CYP2C19: variants seen among roughly 807,000 people sequenced by gnomAD.
CYP2C19 encodes cytochrome P450 2C19.
In CYP2C19, 59 loss-of-function variants were observed where a neutral mutation model predicts 40.9. That is an observed-to-expected ratio of 1.44 (90% CI 1.17 to 1.79). CYP2C19 has a LOEUF of 1.79. Among genes scored for constraint, CYP2C19 ranks in the 40% most tolerant of loss-of-function variants. The probability of loss-of-function intolerance (pLI) is 0.00; values close to 1 mark genes in which losing one functional copy is unlikely to be tolerated. For synonymous variants in CYP2C19, 253 were observed against 208.7 expected (o/e 1.21, Z -1.83); for missense variants, 754 against 596.9 (o/e 1.26, Z -2.74).
rs540326589 is a variant in CYP2C19 at position 94,827,756 on chromosome 10, A to T, written c.961+7119A>T. Among the ~76,000 whole-genome samples the T allele has an allele frequency of 3.0e-3, 463 of 152,126 alleles. 3 individuals are homozygous for T. Among genetic ancestry groups the T allele is most frequent in the African/African-American group, 0.011 (440 of 41,490 alleles). On this transcript the variant is annotated intron_variant, in intron 6 of 8. Transcript: ENST00000371321. ...TTCTAGTTCTTTTAATTGTGATGTTAGGGTGTCTATTTTGGATCTTTCCTG... is the reference window on the plus strand; with the variant it reads ...TTCTAGTTCTTTTAATTGTGATGTTTGGGTGTCTATTTTGGATCTTTCCTG...
At chr10:94,780,411 T>A in intron 3 of CYP2C19, 88 bp from the exon 4 acceptor site, 1 of 1,519,596 alleles carries the variant, frequency 6.6e-7, no homozygotes, top group South Asian at 1.3e-5. Flanking sequence ...TTACTTAAAA[T>A]TTCTAAACTA....
At position 94,855,128 on chromosome 10, in the gene CYP2C19, C is replaced by T. The variant is rs1849712557; in HGVS notation, c.*2214C>T. On this transcript the variant is annotated 3_prime_UTR_variant, in exon 9 of 9. Coordinates refer to ENST00000371321, the MANE Select transcript of CYP2C19 (RefSeq NM_000769.4). ...CTTTTTCTTTCACTCCAAACACTTGCTTCTTTTGTTACATCTCCTACTCCT... is the reference window on the plus strand; with the variant it reads ...CTTTTTCTTTCACTCCAAACACTTGTTTCTTTTGTTACATCTCCTACTCCT... Among the ~76,000 whole-genome samples the T allele has an allele frequency of 2.0e-5, 3 of 152,190 alleles. No homozygotes were observed. Among genetic ancestry groups the T allele is most frequent in the Non-Finnish European group, 2.9e-5 (2 of 68,032 alleles).
At chr10:94,847,106 T>C (rs1276782336) in intron 7 of CYP2C19, among the ~76,000 whole-genome samples, 1 of 151,976 alleles carries the variant, frequency 6.6e-6, no homozygotes, top group Non-Finnish European at 1.5e-5. Context: ...CTGTAAGTTT[T>C]AGGGTACATG....
rs528627543 is a variant in CYP2C19, at chr10:94,796,068, T to C, written c.819+14071T>C. Reference sequence around the variant, plus strand: ...TTTTTGTGTTTTAGATGTGAAGTCCTTGCCCATGCCAATGTCCTGAATGGT... The same window carrying C: ...TTTTTGTGTTTTAGATGTGAAGTCCCTGCCCATGCCAATGTCCTGAATGGT... On this transcript the variant is annotated intron_variant, in intron 5 of 8. Coordinates refer to ENST00000371321, the MANE Select transcript of CYP2C19 (RefSeq NM_000769.4). 7.2e-4 allele frequency among the ~76,000 whole-genome samples: 110 copies of C among 152,308 alleles called. 1 individual carries two copies. The South Asian group carries it at 0.022, about 31-fold the overall frequency.
At chr10:94,797,618 T>G (rs1265305937) in intron 5 of CYP2C19, among the ~76,000 whole-genome samples, 1 of 152,104 alleles carries the variant, frequency 6.6e-6, no homozygotes, top group East Asian at 1.9e-4. Context: ...CTTCTGGTCC[T>G]GAACTTTTTT....
At chr10:94,794,165 T>A (rs1405828655) in intron 5 of CYP2C19, among the ~76,000 whole-genome samples, 1 of 152,164 alleles carries the variant, frequency 6.6e-6, no homozygotes, top group Non-Finnish European at 1.5e-5. Flanking sequence ...GAGCCACGCA[T>A]GGGATATAAT....
At chr10:94,817,096 T>A (rs1434884357) in intron 5 of CYP2C19, among the ~76,000 whole-genome samples, 23 of 143,840 alleles carry the variant, frequency 1.6e-4, no homozygotes, top group African/African-American at 5.9e-4. Flanking sequence ...ATATACCCAG[T>A]AATGGGATGG....
intron 5 of CYP2C19, among the ~76,000 whole-genome samples, chr10:94,808,475 G>C (rs1404470118): frequency 6.6e-6 from 1 of 152,008 alleles, no homozygotes; most frequent in African/African-American, 2.4e-5. Flanking sequence ...ATGTATGATT[G>C]ACTAATTATT....
At position 94,817,126 on chromosome 10, in the gene CYP2C19, T is replaced by C. The variant is rs1236817543; in HGVS notation, c.820-3370T>C. ...GGATGGCTGGGTCAAATGGTATTTCTAATTCTAGATCCCTGAGGAATCGCC... is the reference window on the plus strand; with the variant it reads ...GGATGGCTGGGTCAAATGGTATTTCCAATTCTAGATCCCTGAGGAATCGCC... On this transcript the variant is annotated intron_variant, in intron 5 of 8. Coordinates refer to ENST00000371321, the MANE Select transcript of CYP2C19 (RefSeq NM_000769.4). 3.1e-3 allele frequency among the ~76,000 whole-genome samples: 455 copies of C among 147,616 alleles called. 13 individuals carry two copies. The highest frequency in any genetic ancestry group is 0.028 in the Admixed American group (404 of 14,670).
At chr10:94,801,536 T>C (rs562144518) in intron 5 of CYP2C19, among the ~76,000 whole-genome samples, 1 of 152,248 alleles carries the variant, frequency 6.6e-6, no homozygotes, top group East Asian at 1.9e-4. Flanking sequence ...TTAGACTAAG[T>C]GTTATGTGGT....
intron 7 of CYP2C19, among the ~76,000 whole-genome samples, chr10:94,844,216 T>C (rs544468981): frequency 9.5e-4 from 145 of 152,368 alleles, no homozygotes; most frequent in African/African-American, 3.3e-3. Context: ...AAATGCCTAA[T>C]AACTTTTGGT....
intron 1 of CYP2C19, among the ~76,000 whole-genome samples, chr10:94,772,123 G>C (rs1035636340): frequency 6.6e-6 from 1 of 152,158 alleles, no homozygotes; most frequent in Non-Finnish European, 1.5e-5. Flanking sequence ...TACCCTGAGG[G>C]AGGGAAGGGA....
At chr10:94,838,559 C>T (rs112194017) in intron 6 of CYP2C19, among the ~76,000 whole-genome samples, 7,231 of 152,082 alleles carry the variant, frequency 0.048, 233 homozygotes, top group South Asian at 0.11. Flanking sequence ...TCTCCTCCTC[C>T]CTCTGCTTGG....
Position 94,853,286 on chromosome 10 carries a change from T to C in CYP2C19, c.*372T>C, listed in dbSNP as rs185030154. 1.5e-4 allele frequency: 57 copies of C among 374,118 alleles called. No individual in the cohort carries two copies. In the East Asian group the frequency reaches 3.4e-3, roughly 22 times the overall value. The allele number at this position is 374,118 out of a possible 1,614,324, so 23.2% of individuals were successfully genotyped here. ...GTCAGGTTATTAGACCTTCCTTCCT[T>C]TGTGCATAATGCAGGTGACAAATTA... On this transcript the variant is annotated 3_prime_UTR_variant, in exon 9 of 9. Transcript: ENST00000371321.
chr10:94,824,658 T>A (rs1849184868), intron 6 of CYP2C19, among the ~76,000 whole-genome samples: 1 of 152,206 alleles, frequency 6.6e-6, no homozygotes, highest in Admixed American at 6.5e-5. Flanking sequence ...TTCAAACATT[T>A]CATTTTTTTA....
intron 6 of CYP2C19, among the ~76,000 whole-genome samples, chr10:94,820,972 T>C (rs1849111157): frequency 6.6e-6 from 1 of 152,070 alleles, no homozygotes; most frequent in Non-Finnish European, 1.5e-5. Context: ...TAATCCCAGC[T>C]ACTTGGGGGC....
At chr10:94,833,657 A>G (rs1027239565) in intron 6 of CYP2C19, among the ~76,000 whole-genome samples, 1 of 152,214 alleles carries the variant, frequency 6.6e-6, no homozygotes, top group African/African-American at 2.4e-5. Flanking sequence ...AGGAACATGG[A>G]TGAAATTGGA....
Position 94,769,233 on chromosome 10 carries a change from G to A in CYP2C19, c.169-5825G>A, listed in dbSNP as rs182407323. On this transcript the variant is annotated intron_variant, in intron 1 of 8. Transcript: ENST00000371321. ...AGTACCCTGCTGGCATGAGGCTTCC[G>A]AACTGATAGCTAAAAGTAAATCATC... Among the ~76,000 whole-genome samples the A allele has an allele frequency of 9.9e-5, 15 of 152,212 alleles. No homozygotes were observed. In the East Asian group the frequency reaches 1.2e-3, roughly 12 times the overall value.
intron 5 of CYP2C19, among the ~76,000 whole-genome samples, chr10:94,783,360 G>A (rs983707499): frequency 1.3e-5 from 2 of 152,042 alleles, no homozygotes; most frequent in African/African-American, 2.4e-5. Flanking sequence ...TTTCAGATGG[G>A]TTGGAATGCT....
Sources: allele counts gnomAD v4.1 joint callset (sites outside exome capture counted in the v4.1 genomes callset), GRCh38; gene constraint gnomAD v4.1.1; transcripts MANE v1.5; gene names NCBI Gene and HGNC (gene_info 2026-07-23, HGNC 2026-07-21).